VDAC1: variants seen among roughly 807,000 people sequenced by gnomAD.
VDAC1 encodes the protein non-selective voltage-gated ion channel VDAC1.
VDAC1 carries 10 observed loss-of-function variants against 34.7 expected under a neutral mutation model. The observed-to-expected ratio is 0.29, with a 90% CI of 0.18 to 0.49. VDAC1 has a LOEUF of 0.49. Among genes scored for constraint, VDAC1 ranks in the 20% least tolerant of loss-of-function variants. VDAC1 has a pLI of 0.99. For synonymous variants in VDAC1, 130 were observed against 136.0 expected (o/e 0.96, Z 0.30); for missense variants, 230 against 347.9 (o/e 0.66, Z 2.69).
intron 8 of VDAC1, 147 bp downstream of exon 8, chr5:133,973,644 T>C (rs1752378245): frequency 3.0e-6 from 2 of 671,188 alleles, no homozygotes; most frequent in Non-Finnish European, 4.9e-6. Flanking sequence ...TACTCCTTTA[T>C]AAACATTTAA....
the VDAC1 span, among the ~76,000 whole-genome samples, chr5:134,112,076 C>T: frequency 6.6e-6 from 1 of 152,126 alleles, no homozygotes; most frequent in Non-Finnish European, 1.5e-5. Context: ...CTGACTAGAC[C>T]AGGGACTCCT....
chr5:133,972,967 G>A (rs1401319712), intron 8 of VDAC1, 105 bp from the exon 9 acceptor site: 11 of 912,404 alleles, frequency 1.2e-5, no homozygotes, highest in African/African-American at 5.0e-5. Flanking sequence ...ATTATCAGCA[G>A]GGTCCAAACT....
intron 1 of VDAC1, among the ~76,000 whole-genome samples, chr5:133,997,992 G>C (rs1753393427): frequency 6.6e-6 from 1 of 151,450 alleles, no homozygotes; most frequent in East Asian, 1.9e-4. Flanking sequence ...GCCTCAACCT[G>C]GGAGGTGGAG....
chr5:134,031,045 G>A, the VDAC1 span, among the ~76,000 whole-genome samples: 1 of 152,122 alleles, frequency 6.6e-6, no homozygotes, highest in Non-Finnish European at 1.5e-5. Context: ...ACCATCACTT[G>A]CCACTCATGA....
intron 8 of VDAC1, 89 bp from the exon 9 acceptor site, chr5:133,972,951 C>A: frequency 8.8e-7 from 1 of 1,138,288 alleles, no homozygotes; most frequent in Non-Finnish European, 1.3e-6. Flanking sequence ...AGAACCTGTT[C>A]CAGGTATTAT....
In VDAC1 at chr5:133,991,157, T is replaced by C. The variant is rs374418067; in HGVS notation, c.118-3A>G. ...GCTGAGCCTGAGCTTGTAAATTCCT[T>C]CAAAGGAGAGAGAAGAGTCACAGCC... On this transcript the variant is annotated splice_polypyrimidine_tract_variant and splice_region_variant and intron_variant, in intron 3 of 8. Transcript: ENST00000265333. The C allele has an allele frequency of 1.2e-6, 2 of 1,609,324 alleles. No individual in the cohort carries two copies. The highest frequency in any genetic ancestry group is 1.7e-6 in the Non-Finnish European group (2 of 1,179,998).
At chr5:134,087,500 G>A in the VDAC1 span, among the ~76,000 whole-genome samples, 1 of 152,086 alleles carries the variant, frequency 6.6e-6, no homozygotes, top group Admixed American at 6.5e-5. Context: ...CAACACCCAG[G>A]GATTCCTTGC....
chr5:134,011,910 G>T, the VDAC1 span, among the ~76,000 whole-genome samples: 1 of 152,058 alleles, frequency 6.6e-6, no homozygotes, highest in African/African-American at 2.4e-5. Flanking sequence ...AAAGTGCTGG[G>T]ATTACAGGCA....
At chr5:134,066,240 G>A in the VDAC1 span, among the ~76,000 whole-genome samples, 5 of 152,038 alleles carry the variant, frequency 3.3e-5, no homozygotes, top group African/African-American at 7.3e-5. Context: ...CTGACCTTGC[G>A]ATCCACCCAC....
chr5:134,105,673 A>C, the VDAC1 span, among the ~76,000 whole-genome samples: 1 of 152,208 alleles, frequency 6.6e-6, no homozygotes, highest in Admixed American at 6.5e-5. Flanking sequence ...AAAACACCCT[A>C]GGCTGCAGCC....
chr5:134,078,237 A>G, the VDAC1 span, among the ~76,000 whole-genome samples: 11 of 152,186 alleles, frequency 7.2e-5, no homozygotes, highest in Non-Finnish European at 1.3e-4. Flanking sequence ...TGGGAGGTGC[A>G]TGCAAAACTG....
At position 133,988,581 on chromosome 5, in the gene VDAC1, G is replaced by A. The variant is rs747359758; in HGVS notation, c.323+2274C>T. Among the ~76,000 whole-genome samples the A allele has an allele frequency of 1.2e-4, 19 of 152,036 alleles. No homozygotes were observed. In the East Asian group the frequency reaches 1.7e-3, roughly 14 times the overall value. ...AGTTCAAGACCAGCCTGGCCAATAC[G>A]GTGAAACCCCCGTCTCCACTAAAAA... On this transcript the variant is annotated intron_variant, in intron 5 of 8. Transcript: ENST00000265333.
the VDAC1 span, among the ~76,000 whole-genome samples, chr5:134,095,803 G>A: frequency 5.3e-5 from 8 of 152,178 alleles, no homozygotes; most frequent in South Asian, 2.1e-4. Context: ...GCAGTTCCTC[G>A]GTCACACCAG....
intron 6 of VDAC1, among the ~76,000 whole-genome samples, chr5:133,977,732 A>T (rs987750317): frequency 3.9e-5 from 6 of 152,322 alleles, no homozygotes; most frequent in Admixed American, 2.0e-4. Context: ...TTCTCCATGG[A>T]GGGAACCACA....
chr5:134,092,928 C>T, the VDAC1 span, among the ~76,000 whole-genome samples: 5 of 152,212 alleles, frequency 3.3e-5, no homozygotes, highest in African/African-American at 1.2e-4. Context: ...CTAGAATTTC[C>T]TTGTCTGGTG....
At chr5:134,050,842 G>A in the VDAC1 span, among the ~76,000 whole-genome samples, 1 of 152,198 alleles carries the variant, frequency 6.6e-6, no homozygotes, top group African/African-American at 2.4e-5. Flanking sequence ...GGTGGGGATG[G>A]AAGCAGGGGC....
chr5:134,063,090 A>G, the VDAC1 span, among the ~76,000 whole-genome samples: 4 of 152,230 alleles, frequency 2.6e-5, no homozygotes, highest in African/African-American at 9.6e-5. Context: ...TAGACTTACA[A>G]AAAAGTTTCA....
intron 7 of VDAC1, 145 bp downstream of exon 7, chr5:133,975,726 A>AG: frequency 9.5e-6 from 12 of 1,267,138 alleles, no homozygotes; most frequent in Middle Eastern, 2.9e-4. Flanking sequence ...CCCAAAGTGC[A>AG]GGGATTACAG....
chr5:134,038,892 GAACCCATTTTGTGTCTATCATT>G, the VDAC1 span, among the ~76,000 whole-genome samples: 2 of 104,194 alleles, frequency 1.9e-5, no homozygotes, highest in African/African-American at 1.1e-4. Flanking sequence ...GACACAAAAT[GAACCCATTTTGTGTCTATCATT>G]GAGATAGACA....
Sources: gnomAD v4.1 joint callset for allele counts (sites outside exome capture counted in the v4.1 genomes callset) on GRCh38, gnomAD v4.1.1 for gene constraint, MANE v1.5 for transcripts, NCBI Gene and HGNC (gene_info 2026-07-23, HGNC 2026-07-21) for gene names.